The following PTPRQ variants were observed in gnomAD, a reference collection of about 807,000 sequenced individuals.
The protein encoded by PTPRQ is phosphatidylinositol phosphatase PTPRQ.
PTPRQ carries 199 observed loss-of-function variants against 246.0 expected under a neutral mutation model. That is an observed-to-expected ratio of 0.81 (90% CI 0.72 to 0.91). The LOEUF (loss-of-function observed/expected upper bound fraction) is 0.91. Ranked by LOEUF, PTPRQ falls within the 40% of genes least tolerant of loss-of-function variation. The pLI, the probability that PTPRQ is intolerant of heterozygous loss-of-function variation, is 0.00. For synonymous variants in PTPRQ, 869 were observed against 853.2 expected, an observed-to-expected ratio of 1.02 and a Z score of -0.32; for missense variants, 2,624 against 2,528.4, an observed-to-expected ratio of 1.04 and a Z score of -0.81.
At chr12:80,446,775 C>T (rs1431549460) in intron 3 of PTPRQ, among the ~76,000 whole-genome samples, 1 of 151,978 alleles carries the variant, frequency 6.6e-6, no homozygotes, top group African/African-American at 2.4e-5. Flanking sequence ...TTTATGCCTG[C>T]ATAGTATTCC....
intron 14 of PTPRQ, among the ~76,000 whole-genome samples, chr12:80,499,053 T>C (rs1894715578): frequency 6.6e-6 from 1 of 152,008 alleles, no homozygotes; most frequent in African/African-American, 2.4e-5. Context: ...CCCTTTATTT[T>C]TTAGGTGAGA....
At chr12:80,465,376 CAA>C (rs1893358897) in intron 6 of PTPRQ, 1 of 152,160 alleles carries the variant, frequency 6.6e-6, no homozygotes, top group Non-Finnish European at 1.5e-5. Flanking sequence ...GCTTACCAAC[CAA>C]AAAGAGTCCA....
chr12:80,633,171 C>T (rs1193211757), intron 34 of PTPRQ, among the ~76,000 whole-genome samples: 1 of 152,150 alleles, frequency 6.6e-6, no homozygotes, highest in Admixed American at 6.5e-5. Flanking sequence ...GGTGAAAACA[C>T]AAAAGCAGAA....
chr12:80,466,600 T>C (rs1736678330), intron 6 of PTPRQ, among the ~76,000 whole-genome samples: 2 of 152,092 alleles, frequency 1.3e-5, no homozygotes, highest in Non-Finnish European at 2.9e-5. Flanking sequence ...TACCTGACTT[T>C]AAACTATACT....
intron 35 of PTPRQ, among the ~76,000 whole-genome samples, chr12:80,642,367 CTCTA>C (rs1231501377): frequency 6.6e-6 from 1 of 152,194 alleles, no homozygotes; most frequent in Non-Finnish European, 1.5e-5. Context: ...TCTTTCTCCT[CTCTA>C]TCTACAAATT....
At chr12:80,558,218 A>G (rs2120906788) in intron 25 of PTPRQ, among the ~76,000 whole-genome samples, 1 of 139,786 alleles carries the variant, frequency 7.2e-6, no homozygotes, top group East Asian at 2.1e-4. Context: ...TCCAGTCTGG[A>G]GTGCAGTGGT....
In PTPRQ at chr12:80,635,042, G is replaced by A. The variant is rs1899592476; in HGVS notation, c.5884G>A (p.Asp1962Asn). 6.4e-7 allele frequency: 1 copy of A among 1,551,196 alleles called. No homozygotes were observed. Among genetic ancestry groups the A allele is most frequent in the South Asian group, 1.2e-5 (1 of 83,956 alleles). Residue 1962 changes from aspartate (D) to asparagine (N), a missense_variant, in exon 35 of 45, where the codon GAC becomes AAC. Coordinates refer to ENST00000644991, the MANE Select transcript of PTPRQ (RefSeq NM_001145026.2). ...GCTGGATCAGCTCATCACAGTGGCA[G>A]ACCTGGAACTGAAGGACGAGAGATT... ...LKLDQLITVA[D>N]LELKDERLTR...
Position 80,669,365 on chromosome 12 carries a change from G to C in PTPRQ, c.6354G>C (p.Glu2118Asp). The C allele has an allele frequency of 6.5e-7, 1 of 1,549,608 alleles. No individual in the cohort carries two copies. The highest frequency in any genetic ancestry group is 8.7e-7 in the Non-Finnish European group (1 of 1,145,950). ...TCAGATGCCATCAGTATTGGCCAGA[G>C]GACAACAAGCCAGTTACTGTCTTTG... ...GRIRCHQYWP[E>D]DNKPVTVFGD... Residue 2118 changes from glutamate (E) to aspartate (D), a missense_variant, in exon 41 of 45, where the codon GAG (glutamate) becomes GAC (aspartate). Transcript: ENST00000644991.
At chr12:80,556,930 C>A (rs968051263) in intron 25 of PTPRQ, among the ~76,000 whole-genome samples, 6 of 152,036 alleles carry the variant, frequency 3.9e-5, no homozygotes, top group Non-Finnish European at 8.8e-5. Flanking sequence ...CTGAAGTGGA[C>A]CCCTACTTAC....
At chr12:80,542,386 T>G in intron 22 of PTPRQ, 22 bp downstream of exon 22, 2 of 1,516,862 alleles carry the variant, frequency 1.3e-6, no homozygotes, top group Non-Finnish European at 1.8e-6. Context: ...TCCACATTTC[T>G]TCAAACAATT....
chr12:80,542,825 G>T lies in PTPRQ; in HGVS notation c.3817G>T (p.Val1273Phe). The change falls in exon 23 of 45, where the codon GTT (valine) becomes TTT (phenylalanine). Residue 1273 changes from valine to phenylalanine, a missense_variant. By Grantham distance (50) the Val-to-Phe change is conservative (BLOSUM62 -1). Coordinates refer to ENST00000644991, the MANE Select transcript of PTPRQ (RefSeq NM_001145026.2). ...WSPSPLPGGI[V>F]KVYSFKIHEH... ...CCCAAGTCCTCTTCCAGGTGGTATT[G>T]TTAAAGTATATAGTTTTAAAATTCA... 2 of 1,547,824 alleles carry T rather than the reference G, an allele frequency of 1.3e-6. No individual in the cohort carries two copies. The highest frequency in any genetic ancestry group is 1.7e-6 in the Non-Finnish European group (2 of 1,145,206).
chr12:80,497,018 A>G (rs923607714), intron 14 of PTPRQ, among the ~76,000 whole-genome samples: 6 of 151,906 alleles, frequency 3.9e-5, no homozygotes, highest in Non-Finnish European at 5.9e-5. Flanking sequence ...GAAGGATGTT[A>G]TAGAGCAGGG....
intron 9 of PTPRQ, among the ~76,000 whole-genome samples, chr12:80,490,201 T>A (rs1316860358): frequency 6.6e-6 from 1 of 151,992 alleles, no homozygotes; most frequent in Non-Finnish European, 1.5e-5. Context: ...ATTAAAAAAA[T>A]TTTTCTTTTT....
chr12:80,623,117 G>A (rs1899057162), intron 33 of PTPRQ, among the ~76,000 whole-genome samples: 1 of 152,186 alleles, frequency 6.6e-6, no homozygotes, highest in East Asian at 1.9e-4. Flanking sequence ...CTGGCGAGCT[G>A]TTGCTCAGTG....
chr12:80,625,676 G>A (rs976382824), intron 33 of PTPRQ, among the ~76,000 whole-genome samples: 1 of 152,190 alleles, frequency 6.6e-6, no homozygotes, highest in African/African-American at 2.4e-5. Context: ...ATAAGTATGA[G>A]TCTGTGGAAG....
intron 35 of PTPRQ, among the ~76,000 whole-genome samples, chr12:80,637,392 G>T (rs1163040): frequency 0.017 from 2,631 of 152,132 alleles, 65 homozygotes; most frequent in African/African-American, 0.061. Flanking sequence ...TTGTAAAAGG[G>T]TTTAAAAGTG....
At chr12:80,645,063 A>T (rs1364715706) in intron 35 of PTPRQ, among the ~76,000 whole-genome samples, 1 of 152,108 alleles carries the variant, frequency 6.6e-6, no homozygotes, top group Non-Finnish European at 1.5e-5. Context: ...ATCTTATATA[A>T]ACATAAATGT....
chr12:80,496,013 A>G lies in PTPRQ; in HGVS notation c.1897A>G (p.Thr633Ala), dbSNP rs1160614618. The G allele has an allele frequency of 1.3e-6, 2 of 1,549,784 alleles. No homozygotes were observed. The highest frequency in any genetic ancestry group is 1.7e-6 in the Non-Finnish European group (2 of 1,146,072). The change falls in exon 13 of 45, where the codon ACA becomes GCA. Residue 633 changes from threonine to alanine, a missense_variant. By Grantham distance (58) the Thr-to-Ala change is moderately conservative. Coordinates refer to ENST00000644991, the MANE Select transcript of PTPRQ (RefSeq NM_001145026.2). ...SFLITGLKKY[T>A]KYKMRVAAST... is the part of the protein sequence containing the mutation. ...TGTCCTTATAGGGTTAAAGAAATAC[A>G]CAAAATACAAAATGAGAGTGGCAGC...
chr12:80,616,069 A>G (rs1051001587), intron 29 of PTPRQ, 131 bp from the exon 30 acceptor site: 1 of 471,058 alleles, frequency 2.1e-6, no homozygotes, highest in Non-Finnish European at 3.0e-6. Flanking sequence ...ACATGTAACC[A>G]TAATCAGTTT....
Sources: allele counts gnomAD v4.1 joint callset (sites outside exome capture counted in the v4.1 genomes callset), GRCh38; gene constraint gnomAD v4.1.1; transcripts MANE v1.5; gene names NCBI Gene and HGNC (gene_info 2026-07-23, HGNC 2026-07-21).